Variants in TENM3 observed in about 807,000 individuals in gnomAD.
TENM3 encodes teneurin-3.
In TENM3, 63 loss-of-function variants were observed where a neutral mutation model predicts 255.1. That is an observed-to-expected ratio of 0.25 (90% confidence interval 0.20 to 0.30). TENM3 has a LOEUF of 0.30. Ranked by LOEUF, TENM3 falls within the 10% of genes least tolerant of loss-of-function variation. The probability of loss-of-function intolerance (pLI) is 1.00; values close to 1 mark genes in which losing one functional copy is unlikely to be tolerated. For synonymous variants in TENM3, 1,306 were observed against 1,322.3 expected, an observed-to-expected ratio of 0.99 and a Z score of 0.27; for missense variants, 2,929 against 3,461.1, an observed-to-expected ratio of 0.85 and a Z score of 3.86.
chr4:182,724,903 A>T (rs1180903040), intron 13 of TENM3, among the ~76,000 whole-genome samples: 2 of 152,244 alleles, frequency 1.3e-5, no homozygotes, highest in African/African-American at 4.8e-5. Flanking sequence ...TCTCCCAAGC[A>T]TATGTACCCA....
At chr4:182,389,766 A>G (rs939436528) in intron 3 of TENM3, among the ~76,000 whole-genome samples, 5 of 143,982 alleles carry the variant, frequency 3.5e-5, no homozygotes, top group African/African-American at 1.3e-4. Context: ...GCTCACTGCA[A>G]GCTCCGCCTC....
At chr4:181,898,007 C>A in the TENM3 span, among the ~76,000 whole-genome samples, 1 of 152,184 alleles carries the variant, frequency 6.6e-6, no homozygotes, top group Non-Finnish European at 1.5e-5. Flanking sequence ...GACTCACCAA[C>A]AATTCTATTT....
upstream of TENM3, chr4:182,141,544 G>C (rs1298128590): frequency 1.3e-5 from 2 of 152,240 alleles, no homozygotes; most frequent in Non-Finnish European, 2.9e-5. Context: ...CTGGATTACA[G>C]GCGCAGGCAG....
Position 182,730,612 on chromosome 4 carries a change from G to A in TENM3, c.2706-266G>A, listed in dbSNP as rs6829893. 0.86 allele frequency among the ~76,000 whole-genome samples: 131,616 copies of A among 152,174 alleles called. 57,091 individuals are homozygous for A. The highest frequency in any genetic ancestry group is 0.91 in the Middle Eastern group (269 of 294). ...TTAGGGGTAATATTTTATAATGTCT[G>A]TAACTTGAGCTCAGATGGTTCCGAG... On this transcript the variant is annotated intron_variant, in intron 15 of 27. Transcript: ENST00000511685.
the TENM3 span, among the ~76,000 whole-genome samples, chr4:181,688,262 T>A: frequency 6.6e-6 from 1 of 152,190 alleles, no homozygotes; most frequent in Non-Finnish European, 1.5e-5. Flanking sequence ...TGAGCATGGT[T>A]AAAAATCTGT....
chr4:182,049,488 T>G, the TENM3 span, among the ~76,000 whole-genome samples: 5,577 of 152,274 alleles, frequency 0.037, 150 homozygotes, highest in Middle Eastern at 0.071. Flanking sequence ...CACCTGGAAT[T>G]GCCTCCTGGG....
At chr4:182,115,479 C>G in the TENM3 span, among the ~76,000 whole-genome samples, 1 of 152,158 alleles carries the variant, frequency 6.6e-6, no homozygotes. Context: ...ATAGTTGAAA[C>G]ATTAGCTAAG....
chr4:182,151,058 C>G (rs940673697), intron 1 of TENM3, among the ~76,000 whole-genome samples: 2 of 152,092 alleles, frequency 1.3e-5, no homozygotes, highest in Non-Finnish European at 2.9e-5. Flanking sequence ...AAGGAGGTGT[C>G]TTTTTTGACA....
At chr4:181,499,469 T>C in the TENM3 span, among the ~76,000 whole-genome samples, 2 of 152,182 alleles carry the variant, frequency 1.3e-5, no homozygotes, top group Non-Finnish European at 2.9e-5. Context: ...CGTTGTTATC[T>C]TGAACAAGGA....
the TENM3 span, among the ~76,000 whole-genome samples, chr4:181,750,197 G>T: frequency 6.6e-6 from 1 of 152,166 alleles, no homozygotes; most frequent in African/African-American, 2.4e-5. Context: ...CTGGAAGGTG[G>T]CTTGAAAGCT....
the TENM3 span, among the ~76,000 whole-genome samples, chr4:181,577,516 ACT>A: frequency 1.3e-5 from 2 of 151,810 alleles, no homozygotes; most frequent in South Asian, 4.2e-4. Context: ...TTCTCTACAT[ACT>A]CTTTCCCAAC....
At chr4:181,813,241 G>A in the TENM3 span, among the ~76,000 whole-genome samples, 3 of 152,108 alleles carry the variant, frequency 2.0e-5, no homozygotes, top group Non-Finnish European at 2.9e-5. Flanking sequence ...CATGTTGTGG[G>A]GAGGGGTGGC....
chr4:181,922,203 G>A, the TENM3 span, among the ~76,000 whole-genome samples: 2 of 152,010 alleles, frequency 1.3e-5, no homozygotes, highest in African/African-American at 2.4e-5. Context: ...CTCTTTTTTG[G>A]TTGTGTCTCT....
At chr4:181,503,486 G>T in the TENM3 span, among the ~76,000 whole-genome samples, 1 of 152,208 alleles carries the variant, frequency 6.6e-6, no homozygotes, top group African/African-American at 2.4e-5. Context: ...ATGGTGAGAT[G>T]TAACCTCAGA....
At chr4:182,716,203 G>A (rs1459246164) in intron 13 of TENM3, among the ~76,000 whole-genome samples, 1 of 152,170 alleles carries the variant, frequency 6.6e-6, no homozygotes, top group African/African-American at 2.4e-5. Context: ...TTCAGATTTT[G>A]CTTCTAAGAG....
At chr4:181,954,360 A>T in the TENM3 span, among the ~76,000 whole-genome samples, 1 of 152,174 alleles carries the variant, frequency 6.6e-6, no homozygotes, top group Non-Finnish European at 1.5e-5. Context: ...TGTTTTACAA[A>T]GTGTTTGTAT....
At chr4:181,933,153 TAC>T in the TENM3 span, among the ~76,000 whole-genome samples, 2 of 152,276 alleles carry the variant, frequency 1.3e-5, no homozygotes, top group Admixed American at 6.5e-5. Flanking sequence ...TCCCAGAACT[TAC>T]AGTGTAATAA....
chr4:182,457,936 T>C (rs976838923), intron 3 of TENM3, among the ~76,000 whole-genome samples: 2 of 152,196 alleles, frequency 1.3e-5, no homozygotes, highest in Non-Finnish European at 2.9e-5. Context: ...AGTCCTAAAT[T>C]TTGCTTTACA....
chr4:182,288,000 C>T (rs370295262), intron 1 of TENM3, among the ~76,000 whole-genome samples: 7 of 151,948 alleles, frequency 4.6e-5, no homozygotes, highest in Non-Finnish European at 7.4e-5. Flanking sequence ...TGCAATGGCA[C>T]GATCTGGGGT....
Sources: gnomAD v4.1 joint callset for allele counts (sites outside exome capture counted in the v4.1 genomes callset) on GRCh38, gnomAD v4.1.1 for gene constraint, MANE v1.5 for transcripts, NCBI Gene and HGNC (gene_info 2026-07-23, HGNC 2026-07-21) for gene names.